SPATS2L: variants seen among roughly 807,000 people sequenced by gnomAD.
SPATS2L encodes SPATS2-like protein.
SPATS2L carries 30 observed loss-of-function variants against 59.6 expected under a neutral mutation model. The observed-to-expected ratio is 0.50, with a 90% CI of 0.38 to 0.68. The LOEUF (loss-of-function observed/expected upper bound fraction) is 0.68. Among genes scored for constraint, SPATS2L ranks in the 30% least tolerant of loss-of-function variants. SPATS2L has a pLI of 0.00. For missense variants in SPATS2L, 615 were observed against 700.0 expected (o/e 0.88, Z 1.37); for synonymous variants, 252 against 263.5 (o/e 0.96, Z 0.42).
chr2:200,378,451 A>G (rs2081677488), intron 2 of SPATS2L: 5 of 957,560 alleles, frequency 5.2e-6, no homozygotes, highest in Non-Finnish European at 5.1e-6. Context: ...GCCTGGGGGT[A>G]CTCTCCAACT....
At chr2:200,356,690 A>G (rs970628489) in intron 2 of SPATS2L, among the ~76,000 whole-genome samples, 3 of 152,236 alleles carry the variant, frequency 2.0e-5, no homozygotes, top group African/African-American at 7.2e-5. Context: ...TAAATGACTA[A>G]TAACGCTTTA....
At chr2:200,392,025 A>G (rs1351671197) in intron 3 of SPATS2L, among the ~76,000 whole-genome samples, 2 of 152,220 alleles carry the variant, frequency 1.3e-5, no homozygotes, top group East Asian at 3.8e-4. Context: ...ACATTATTTC[A>G]GTATAAAACC....
chr2:200,460,361 A>T (rs1033796334), intron 9 of SPATS2L, among the ~76,000 whole-genome samples: 3 of 152,196 alleles, frequency 2.0e-5, no homozygotes, highest in Non-Finnish European at 4.4e-5. Context: ...AATATATCTG[A>T]TTTGTCTTAA....
At chr2:200,360,949 G>C (rs1224383408) in intron 2 of SPATS2L, among the ~76,000 whole-genome samples, 1 of 147,342 alleles carries the variant, frequency 6.8e-6, no homozygotes, top group Non-Finnish European at 1.5e-5. Flanking sequence ...GGATAGAACA[G>C]AACAGAGCAG....
In SPATS2L at chr2:200,364,292, G is replaced by A. The variant is rs570884585; in HGVS notation, c.-22-24931G>A. ...TGTTACAGCAGCACTAGGAAACACAGTGTTTCCTCTCCTGTTCGGTAAGAA... is the reference window on the plus strand; with the variant it reads ...TGTTACAGCAGCACTAGGAAACACAATGTTTCCTCTCCTGTTCGGTAAGAA... On this transcript the variant is annotated intron_variant, in intron 2 of 12. Coordinates refer to ENST00000409140, the MANE Select transcript of SPATS2L (RefSeq NM_001100423.2). 1.2e-4 allele frequency among the ~76,000 whole-genome samples: 18 copies of A among 152,332 alleles called. No individual in the cohort carries two copies. In the South Asian group the frequency reaches 2.5e-3, roughly 21 times the overall value.
chr2:200,353,525 C>T lies in SPATS2L; in HGVS notation c.-23+24045C>T, dbSNP rs187392616. 2.2e-3 allele frequency among the ~76,000 whole-genome samples: 336 copies of T among 152,252 alleles called. 1 individual carries two copies. Among genetic ancestry groups the T allele is most frequent in the African/African-American group, 7.2e-3 (298 of 41,540 alleles). ...CAAGAAGAGCAAATGGATGTGGTCC[C>T]TGGATATTTCCACCCTCTTCCAACC... On this transcript the variant is annotated intron_variant, in intron 2 of 12. Transcript: ENST00000409140.
chr2:200,431,369 A>T (rs941245672), intron 6 of SPATS2L, among the ~76,000 whole-genome samples: 16 of 152,224 alleles, frequency 1.1e-4, no homozygotes, highest in Non-Finnish European at 1.9e-4. Context: ...ACATTCACAT[A>T]AGTACTTTTT....
At chr2:200,334,808 C>A (rs1026389692) in intron 2 of SPATS2L, among the ~76,000 whole-genome samples, 3 of 151,614 alleles carry the variant, frequency 2.0e-5, no homozygotes, top group Admixed American at 1.3e-4. Flanking sequence ...GGTTTGTCAA[C>A]GATCAGATAG....
intron 8 of SPATS2L, 78 bp downstream of exon 8, chr2:200,440,862 G>A (rs1246599505): frequency 1.8e-5 from 28 of 1,513,660 alleles, no homozygotes; most frequent in East Asian, 6.9e-5. Context: ...GATGGAAAAC[G>A]TTGTTTATTT....
intron 7 of SPATS2L, among the ~76,000 whole-genome samples, chr2:200,439,801 T>G (rs748256623): frequency 6.6e-6 from 1 of 152,350 alleles, no homozygotes; most frequent in Admixed American, 6.5e-5. Context: ...TTACACACAA[T>G]GTAACATTGA....
chr2:200,391,395 CTAAGTA>C (rs1283528780), intron 3 of SPATS2L, among the ~76,000 whole-genome samples: 1 of 152,088 alleles, frequency 6.6e-6, no homozygotes, highest in Non-Finnish European at 1.5e-5. Flanking sequence ...TATTAATATT[CTAAGTA>C]TATTTCAATA....
At chr2:200,450,347 T>C (rs1417486541) in intron 8 of SPATS2L, among the ~76,000 whole-genome samples, 1 of 152,168 alleles carries the variant, frequency 6.6e-6, no homozygotes, top group Non-Finnish European at 1.5e-5. Context: ...CTTCCAACTT[T>C]CTGTTTATTT....
At position 200,419,362 on chromosome 2, in the gene SPATS2L, A is replaced by C. The variant is rs2083209979; in HGVS notation, c.311A>C (p.Gln104Pro). 6.2e-7 allele frequency: 1 copy of C among 1,612,254 alleles called. No individual in the cohort carries two copies. The highest frequency in any genetic ancestry group is 8.5e-7 in the Non-Finnish European group (1 of 1,179,194). Reference sequence around the variant, plus strand: ...CTGCAGCCGCAGCCACCACAGATTCAAAACGGCCCCATGAATGGCTGCGAG... The same window carrying C: ...CTGCAGCCGCAGCCACCACAGATTCCAAACGGCCCCATGAATGGCTGCGAG... ...GPLQPQPPQI[Q>P]NGPMNGCEKD... is the part of the protein sequence containing the mutation. The change falls in exon 6 of 13, where the codon CAA becomes CCA. Residue 104 changes from glutamine (Q) to proline (P), a missense_variant. Coordinates refer to ENST00000409140, the MANE Select transcript of SPATS2L (RefSeq NM_001100423.2).
intron 2 of SPATS2L, among the ~76,000 whole-genome samples, chr2:200,361,249 T>C (rs1452978485): frequency 2.0e-5 from 3 of 152,084 alleles, no homozygotes; most frequent in Admixed American, 6.5e-5. Flanking sequence ...GCTTCTCATG[T>C]AAGCACAAAC....
chr2:200,416,921 A>G (rs1039360024), intron 5 of SPATS2L, among the ~76,000 whole-genome samples: 3 of 152,242 alleles, frequency 2.0e-5, no homozygotes, highest in Admixed American at 6.5e-5. Flanking sequence ...AAAATGCCTT[A>G]GAACCATAGT....
At chr2:200,375,563 A>T (rs1226567154) in intron 2 of SPATS2L, among the ~76,000 whole-genome samples, 1 of 152,198 alleles carries the variant, frequency 6.6e-6, no homozygotes, top group Non-Finnish European at 1.5e-5. Flanking sequence ...GTATGCTGGG[A>T]GGAAGAGCAG....
intron 2 of SPATS2L, among the ~76,000 whole-genome samples, chr2:200,369,225 C>G (rs2081353292): frequency 6.6e-6 from 1 of 152,218 alleles, no homozygotes; most frequent in South Asian, 2.1e-4. Context: ...GTGGTGCGAT[C>G]TCAGCCCACT....
At chr2:200,319,762 A>G (rs185196982) in intron 1 of SPATS2L, among the ~76,000 whole-genome samples, 1 of 152,270 alleles carries the variant, frequency 6.6e-6, no homozygotes, top group Non-Finnish European at 1.5e-5. Context: ...GAAGCTAAAG[A>G]AAACTTCCAA....
At chr2:200,307,740 C>A (rs536534356) in intron 1 of SPATS2L, among the ~76,000 whole-genome samples, 1 of 152,246 alleles carries the variant, frequency 6.6e-6, no homozygotes, top group African/African-American at 2.4e-5. Context: ...AGCGTCGCGT[C>A]TTCGCGAGTG....
Sources: allele counts gnomAD v4.1 joint callset (sites outside exome capture counted in the v4.1 genomes callset), GRCh38; gene constraint gnomAD v4.1.1; transcripts MANE v1.5; gene names NCBI Gene and HGNC (gene_info 2026-07-23, HGNC 2026-07-21).